Variants in SNX29 observed in about 807,000 individuals in gnomAD.
SNX29 encodes the protein sorting nexin-29.
SNX29 carries 78 observed loss-of-function variants against 102.1 expected under a neutral mutation model. The ratio of observed to expected loss-of-function variants is 0.76; its 90% confidence interval spans 0.64 to 0.92. The LOEUF is 0.92. Among genes scored for constraint, SNX29 ranks in the 40% least tolerant of loss-of-function variants. The pLI, the probability that SNX29 is intolerant of heterozygous loss-of-function variation, is 0.00. For missense variants in SNX29, 1,280 were observed against 1,061.7 expected (o/e 1.21, Z -2.86); for synonymous variants, 580 against 414.5 (o/e 1.40, Z -4.85).
intron 20 of SNX29, among the ~76,000 whole-genome samples, chr16:12,536,901 G>T (rs531943695): frequency 6.6e-6 from 1 of 152,104 alleles, no homozygotes; most frequent in East Asian, 1.9e-4. Flanking sequence ...GCTTGAGCCC[G>T]GGAGGTGGAG....
At chr16:12,091,818 C>T (rs1006883271) in intron 11 of SNX29, among the ~76,000 whole-genome samples, 2 of 151,412 alleles carry the variant, frequency 1.3e-5, no homozygotes, top group Non-Finnish European at 2.9e-5. Flanking sequence ...CTTGTTTACC[C>T]TTTCTGCCAT....
chr16:12,014,083 C>G (rs1423353831), intron 3 of SNX29, among the ~76,000 whole-genome samples: 1 of 152,106 alleles, frequency 6.6e-6, no homozygotes, highest in East Asian at 1.9e-4. Flanking sequence ...AGGTGCATGC[C>G]ACTGTGCCTG....
chr16:12,101,164 T>C (rs755188754), intron 11 of SNX29, among the ~76,000 whole-genome samples: 18 of 152,232 alleles, frequency 1.2e-4, no homozygotes, highest in Non-Finnish European at 2.4e-4. Flanking sequence ...CTGGAATAGG[T>C]AGAGGTTGTG....
chr16:12,021,290 G>A (rs373538682), intron 3 of SNX29, among the ~76,000 whole-genome samples: 8 of 152,026 alleles, frequency 5.3e-5, no homozygotes, highest in African/African-American at 1.9e-4. Context: ...GCTGGGCATG[G>A]TGGTGCACAC....
At chr16:12,058,815 T>G (rs1337187830) in intron 8 of SNX29, among the ~76,000 whole-genome samples, 7 of 146,564 alleles carry the variant, frequency 4.8e-5, no homozygotes, top group South Asian at 4.6e-4. Flanking sequence ...TTTTTTTTTT[T>G]TTTTTTTTTC....
intron 3 of SNX29, among the ~76,000 whole-genome samples, chr16:12,024,953 C>A (rs143106785): frequency 6.6e-4 from 101 of 152,066 alleles, no homozygotes; most frequent in African/African-American, 2.3e-3. Flanking sequence ...GTTTTGGTTT[C>A]TGTGGTATTT....
rs1234249410 is a variant in SNX29, at chr16:12,568,619, G to GTGACCTC, written c.2440_*4dup. On this transcript the variant is annotated frameshift_variant, in exon 21 of 21. Transcript: ENST00000566228. LOFTEE classifies it high-confidence loss of function. ...ACCCGCAACGTGGAGCCCCAGAGCG[G>GTGACCTC]TGACCTCTGACCTCGACAAAACCGC... 1.2e-6 allele frequency: 2 copies of GTGACCTC among 1,603,504 alleles called. No individual in the cohort carries two copies. Among genetic ancestry groups the GTGACCTC allele is most frequent in the Admixed American group, 1.7e-5 (1 of 59,982 alleles).
chr16:12,534,753 C>T (rs10852349), intron 20 of SNX29, among the ~76,000 whole-genome samples: 1 of 152,214 alleles, frequency 6.6e-6, no homozygotes, highest in Admixed American at 6.5e-5. Flanking sequence ...ACCCAAGTGG[C>T]TTTCTTTCTG....
At chr16:12,196,570 C>G (rs1596480266) in intron 13 of SNX29, among the ~76,000 whole-genome samples, 1 of 151,914 alleles carries the variant, frequency 6.6e-6, no homozygotes, top group African/African-American at 2.4e-5. Flanking sequence ...ATGTCCAACT[C>G]TGCCACAGTC....
intron 20 of SNX29, among the ~76,000 whole-genome samples, chr16:12,560,270 C>G (rs534393478): frequency 6.6e-6 from 1 of 152,018 alleles, no homozygotes; most frequent in African/African-American, 2.4e-5. Flanking sequence ...AGGAACACAG[C>G]AGCAATGTCA....
At chr16:12,481,515 C>CAG (rs1567608563) in intron 19 of SNX29, among the ~76,000 whole-genome samples, 2 of 68,826 alleles carry the variant, frequency 2.9e-5, no homozygotes, top group Admixed American at 2.0e-4. Context: ...TACATATAGA[C>CAG]ACACACACAC....
At chr16:12,025,440 G>GT (rs1199578788) in intron 3 of SNX29, among the ~76,000 whole-genome samples, 3 of 152,080 alleles carry the variant, frequency 2.0e-5, no homozygotes, top group Non-Finnish European at 4.4e-5. Context: ...CTGGTTCAAG[G>GT]TTAATCATTG....
intron 11 of SNX29, among the ~76,000 whole-genome samples, chr16:12,106,059 G>A (rs1281103668): frequency 6.6e-6 from 1 of 152,148 alleles, no homozygotes; most frequent in East Asian, 1.9e-4. Context: ...TAAGTAACGC[G>A]AGGGAGGAGG....
In SNX29 at chr16:12,542,203, C is replaced by G. The variant is rs553403733; in HGVS notation, c.2318+17362C>G. Among the ~76,000 whole-genome samples, 5 of 152,226 alleles carry G rather than the reference C, an allele frequency of 3.3e-5. No individual in the cohort carries two copies. In the South Asian group the frequency reaches 1.0e-3, roughly 32 times the overall value. On this transcript the variant is annotated intron_variant, in intron 20 of 20. Transcript: ENST00000566228. ...GCTAAGCCTTTTCCACACAGGGTGT[C>G]AAGGAATCTGCAACTCAGAGGGATA...
At chr16:12,411,453 G>A (rs993998268) in intron 18 of SNX29, among the ~76,000 whole-genome samples, 1 of 152,188 alleles carries the variant, frequency 6.6e-6, no homozygotes, top group Non-Finnish European at 1.5e-5. Flanking sequence ...GCCTGATGTA[G>A]GTGAAAACAG....
At chr16:12,225,017 G>A (rs1468594187) in intron 14 of SNX29, among the ~76,000 whole-genome samples, 1 of 152,174 alleles carries the variant, frequency 6.6e-6, no homozygotes, top group African/African-American at 2.4e-5. Context: ...TTGCAAACCA[G>A]CCTGTGGATC....
intron 3 of SNX29, among the ~76,000 whole-genome samples, chr16:12,010,644 A>G (rs2056617882): frequency 6.6e-6 from 1 of 152,158 alleles, no homozygotes; most frequent in Non-Finnish European, 1.5e-5. Flanking sequence ...ACAAACAAAC[A>G]AGAAATTGCT....
rs116343563 is a variant in SNX29, at chr16:12,011,032, C to T, written c.122+7989C>T. Among the ~76,000 whole-genome samples, 1,437 of 152,132 alleles carry T rather than the reference C, an allele frequency of 9.4e-3. 13 individuals are homozygous for T. Among genetic ancestry groups the T allele is most frequent in the African/African-American group, 0.033 (1,349 of 41,506 alleles). Reference sequence around the variant, plus strand: ...AGTTTGAGGTGTTGACTGGATGTTACGATTCTTGTCATCCTGACCAAAAAT... The same window carrying T: ...AGTTTGAGGTGTTGACTGGATGTTATGATTCTTGTCATCCTGACCAAAAAT... On this transcript the variant is annotated intron_variant, in intron 3 of 20. Transcript: ENST00000566228.
Position 12,569,691 on chromosome 16 carries a change from G to A in SNX29, c.*1062G>A, listed in dbSNP as rs1454976468. The A allele has an allele frequency of 1.7e-5, 4 of 230,232 alleles. No individual in the cohort carries two copies. The highest frequency in any genetic ancestry group is 1.3e-3 in the Middle Eastern group (1 of 794). The allele number at this position is 230,232 out of a possible 1,614,324, so 14.3% of individuals were successfully genotyped here. ...GTGGCTCTCAGAGTACAGGGACCTT[G>A]GCAGGTGGAGAGGAGGATGGGGACC... On this transcript the variant is annotated 3_prime_UTR_variant, in exon 21 of 21. Transcript: ENST00000566228.
Sources: allele counts gnomAD v4.1 joint callset (sites outside exome capture counted in the v4.1 genomes callset), GRCh38; gene constraint gnomAD v4.1.1; transcripts MANE v1.5; gene names NCBI Gene and HGNC (gene_info 2026-07-23, HGNC 2026-07-21).